Variants in COL22A1 observed in about 807,000 individuals in gnomAD.
The protein encoded by COL22A1 is collagen alpha-1(XXII) chain.
Under a neutral mutation model 248.9 loss-of-function variants are expected in COL22A1, and 221 were observed. The ratio of observed to expected loss-of-function variants is 0.89; its 90% CI spans 0.80 to 0.99. The LOEUF is 0.99. Ranked by LOEUF, COL22A1 falls within the 50% of genes least tolerant of loss-of-function variation. The pLI, the probability that COL22A1 is intolerant of heterozygous loss-of-function variation, is 0.00. For missense variants in COL22A1, 2,240 were observed against 2,179.0 expected (o/e 1.03, Z -0.56); for synonymous variants, 891 against 793.4 (o/e 1.12, Z -2.07).
intron 60 of COL22A1, among the ~76,000 whole-genome samples, chr8:138,599,852 A>G (rs1221190733): frequency 1.3e-5 from 2 of 152,250 alleles, no homozygotes; most frequent in African/African-American, 4.8e-5. Context: ...TTCCAATCCT[A>G]TTCTCAATCC....
intron 4 of COL22A1, among the ~76,000 whole-genome samples, chr8:138,834,654 T>C (rs1302909244): frequency 6.6e-6 from 1 of 152,186 alleles, no homozygotes; most frequent in Non-Finnish European, 1.5e-5. Flanking sequence ...AAAAAGGGGA[T>C]TATTTTCGAA....
intron 4 of COL22A1, among the ~76,000 whole-genome samples, chr8:138,841,404 G>A (rs1820872224): frequency 6.6e-6 from 1 of 152,168 alleles, no homozygotes. Flanking sequence ...GCAACTAATT[G>A]CCCTGTGGGG....
chr8:138,609,260 C>A (rs945412347), intron 56 of COL22A1, among the ~76,000 whole-genome samples: 2 of 152,190 alleles, frequency 1.3e-5, no homozygotes, highest in African/African-American at 4.8e-5. Context: ...CACCTGCCTG[C>A]GAGGCAAGTC....
In COL22A1 at chr8:138,621,607, G is replaced by A. The variant is rs531628690; in HGVS notation, c.3772-2099C>T. Among the ~76,000 whole-genome samples, 11 of 152,300 alleles carry A rather than the reference G, an allele frequency of 7.2e-5. No homozygotes were observed. The East Asian group carries it at 7.7e-4, about 11-fold the overall frequency. On this transcript the variant is annotated intron_variant, in intron 52 of 64. Transcript: ENST00000303045. ...GCACTGCTCTGCAGCAGTGAACTCCGGGGTCAGCCTGCAGGAGTGTGAGTC... is the reference window on the plus strand; with the variant it reads ...GCACTGCTCTGCAGCAGTGAACTCCAGGGTCAGCCTGCAGGAGTGTGAGTC...
At chr8:138,904,149 C>A (rs1018797493) in intron 1 of COL22A1, among the ~76,000 whole-genome samples, 5 of 152,086 alleles carry the variant, frequency 3.3e-5, no homozygotes, top group Admixed American at 6.5e-5. Context: ...CAGCAGACAC[C>A]GCCACCTCAT....
rs191724633 is a variant in COL22A1 at position 138,674,548 on chromosome 8, G to A, written c.3150+2010C>T. 4.3e-4 allele frequency among the ~76,000 whole-genome samples: 65 copies of A among 152,320 alleles called. 1 individual carries two copies. The highest frequency in any genetic ancestry group is 1.5e-3 in the African/African-American group (63 of 41,574). The stretch of plus-strand genomic sequence containing the variant: ...CAGTTGATTTACAGCCTCTTGACTA[G>A]AGCCAGCCAATTACTTTTCAGGTGG... On this transcript the variant is annotated intron_variant, in intron 41 of 64. Coordinates refer to ENST00000303045, the MANE Select transcript of COL22A1 (RefSeq NM_152888.3).
intron 3 of COL22A1, among the ~76,000 whole-genome samples, chr8:138,875,637 A>C (rs1459479563): frequency 6.6e-6 from 1 of 152,012 alleles, no homozygotes; most frequent in African/African-American, 2.4e-5. Flanking sequence ...TCCAGTGTGC[A>C]CCTGGATCAA....
chr8:138,859,720 T>C (rs1045691751), intron 3 of COL22A1, among the ~76,000 whole-genome samples: 11 of 152,232 alleles, frequency 7.2e-5, no homozygotes, highest in African/African-American at 2.4e-4. Context: ...GCACCTCCCA[T>C]TGTAGACTGA....
At chr8:138,806,535 G>A (rs1817744248) in intron 10 of COL22A1, among the ~76,000 whole-genome samples, 1 of 152,086 alleles carries the variant, frequency 6.6e-6, no homozygotes, top group Non-Finnish European at 1.5e-5. Flanking sequence ...AGGGAAGAAT[G>A]CCCAGCAAAG....
intron 1 of COL22A1, among the ~76,000 whole-genome samples, chr8:138,889,625 AG>A (rs1464653960): frequency 1.3e-5 from 2 of 152,162 alleles, no homozygotes; most frequent in African/African-American, 4.8e-5. Context: ...ATGACGAGTT[AG>A]TGGGTGCAGC....
At chr8:138,660,965 CACACACACAT>C (rs1269554978) in intron 43 of COL22A1, among the ~76,000 whole-genome samples, 43 of 18,316 alleles carry the variant, frequency 2.3e-3, no homozygotes, top group Non-Finnish European at 8.4e-3. Context: ...GACACACACG[CACACACACAT>C]ACACACACAC....
At chr8:138,664,444 T>G (rs149273971) in intron 41 of COL22A1, among the ~76,000 whole-genome samples, 283 of 152,216 alleles carry the variant, frequency 1.9e-3, no homozygotes, top group Middle Eastern at 3.4e-3. Flanking sequence ...GCGATGCTTG[T>G]GCATTTCCAT....
chr8:138,882,914 T>A (rs1186752642), intron 2 of COL22A1, among the ~76,000 whole-genome samples, 168 bp downstream of exon 2: 1 of 152,150 alleles, frequency 6.6e-6, no homozygotes, highest in East Asian at 1.9e-4. Context: ...TGATTTTTTG[T>A]CCCTAGGTTA....
chr8:138,704,142 G>A (rs2131000516), intron 30 of COL22A1, among the ~76,000 whole-genome samples: 1 of 152,324 alleles, frequency 6.6e-6, no homozygotes, highest in Non-Finnish European at 1.5e-5. Context: ...CGAACTGGGT[G>A]GAGCCAACCA....
chr8:138,776,105 C>A, intron 15 of COL22A1, 95 bp from the exon 16 acceptor site: 7 of 1,249,712 alleles, frequency 5.6e-6, no homozygotes, highest in Non-Finnish European at 5.9e-6. Context: ...CTGGCAGCTT[C>A]CAGCCCAGGG....
At chr8:138,661,977 T>A in intron 43 of COL22A1, 53 bp downstream of exon 43, 1 of 1,445,580 alleles carries the variant, frequency 6.9e-7, no homozygotes, top group Non-Finnish European at 9.5e-7. Flanking sequence ...GGGCGGGCTT[T>A]CAGGGGTCAT....
At chr8:138,811,195 G>T (rs995528052) in intron 9 of COL22A1, among the ~76,000 whole-genome samples, 1 of 142,398 alleles carries the variant, frequency 7.0e-6, no homozygotes, top group Non-Finnish European at 1.6e-5. Context: ...ATTCTAGGAC[G>T]GTCGTGGTGG....
At chr8:138,601,536 C>G (rs1416970730) in intron 60 of COL22A1, among the ~76,000 whole-genome samples, 1 of 152,160 alleles carries the variant, frequency 6.6e-6, no homozygotes, top group Non-Finnish European at 1.5e-5. Context: ...CGCATAAAGC[C>G]TCCAAAGGGA....
chr8:138,729,969 G>T (rs1407541921), intron 23 of COL22A1, among the ~76,000 whole-genome samples: 1 of 152,192 alleles, frequency 6.6e-6, no homozygotes, highest in Non-Finnish European at 1.5e-5. Context: ...GTGAGGGAGG[G>T]GTAGGAGGAC....
Sources: allele counts gnomAD v4.1 joint callset (sites outside exome capture counted in the v4.1 genomes callset), GRCh38; gene constraint gnomAD v4.1.1; transcripts MANE v1.5; gene names NCBI Gene and HGNC (gene_info 2026-07-23, HGNC 2026-07-21).